TNR: variants seen among roughly 807,000 people sequenced by gnomAD.
TNR encodes tenascin R.
In TNR, 45 loss-of-function variants were observed where a neutral mutation model predicts 150.4. The observed-to-expected ratio is 0.30, with a 90% CI of 0.24 to 0.38. TNR has a LOEUF of 0.38. Among genes scored for constraint, TNR ranks in the 10% least tolerant of loss-of-function variants. The pLI, the probability that TNR is intolerant of heterozygous loss-of-function variation, is 1.00. For synonymous variants in TNR, 687 were observed against 678.4 expected, an observed-to-expected ratio of 1.01 and a Z score of -0.20; for missense variants, 1,544 against 1,759.1, an observed-to-expected ratio of 0.88 and a Z score of 2.19.
chr1:175,389,951 T>C (rs1365763384), intron 7 of TNR, among the ~76,000 whole-genome samples: 1 of 152,216 alleles, frequency 6.6e-6, no homozygotes, highest in African/African-American at 2.4e-5. Context: ...TAAACTTATT[T>C]TTTAAAGGAC....
chr1:175,486,453 A>C (rs1658020663), intron 2 of TNR, among the ~76,000 whole-genome samples: 1 of 152,030 alleles, frequency 6.6e-6, no homozygotes, highest in Admixed American at 6.5e-5. Flanking sequence ...AAGGACATGA[A>C]CTCATCCTTT....
chr1:175,390,337 C>T (rs1357376941), intron 7 of TNR, among the ~76,000 whole-genome samples: 1 of 152,222 alleles, frequency 6.6e-6, no homozygotes, highest in Non-Finnish European at 1.5e-5. Context: ...ATGAAAAACA[C>T]ATAAAGCTGT....
intron 1 of TNR, among the ~76,000 whole-genome samples, chr1:175,674,361 C>T (rs965705561): frequency 6.6e-5 from 10 of 152,172 alleles, no homozygotes; most frequent in African/African-American, 2.4e-4. Flanking sequence ...GCAGCTCTGG[C>T]GTGGAGCTGG....
intron 1 of TNR, among the ~76,000 whole-genome samples, chr1:175,675,238 G>A (rs368650650): frequency 2.6e-5 from 4 of 152,110 alleles, no homozygotes; most frequent in Non-Finnish European, 5.9e-5. Flanking sequence ...CTGAATGAAC[G>A]GGCTTTGTGG....
At chr1:175,706,486 C>T (rs1666845015) in intron 1 of TNR, among the ~76,000 whole-genome samples, 1 of 152,128 alleles carries the variant, frequency 6.6e-6, no homozygotes, top group Non-Finnish European at 1.5e-5. Context: ...TGGTAAGGAC[C>T]AAGGTCTCAT....
chr1:175,353,708 G>A (rs980550158), intron 18 of TNR, among the ~76,000 whole-genome samples: 1 of 152,192 alleles, frequency 6.6e-6, no homozygotes, highest in Non-Finnish European at 1.5e-5. Context: ...GTTTAATGTT[G>A]AGGGTTTACT....
chr1:175,363,205 C>T (rs551984437), intron 13 of TNR, among the ~76,000 whole-genome samples: 2 of 152,192 alleles, frequency 1.3e-5, no homozygotes, highest in Admixed American at 1.3e-4. Flanking sequence ...CTTAAAAATG[C>T]CACATGTACC....
chr1:175,691,224 C>G (rs1048593654), intron 1 of TNR, among the ~76,000 whole-genome samples: 1 of 151,998 alleles, frequency 6.6e-6, no homozygotes, highest in Non-Finnish European at 1.5e-5. Context: ...GAAACGCAGG[C>G]CACAGGTAGG....
chr1:175,381,430 G>T (rs1038729149), intron 8 of TNR, among the ~76,000 whole-genome samples: 6 of 152,152 alleles, frequency 3.9e-5, no homozygotes, highest in Admixed American at 2.6e-4. Context: ...TAGGGGTTGT[G>T]GTCTGTAGAT....
chr1:175,508,608 T>C (rs1268014184), intron 2 of TNR, among the ~76,000 whole-genome samples: 1 of 152,220 alleles, frequency 6.6e-6, no homozygotes, highest in Admixed American at 6.5e-5. Context: ...AAAGTAGCCC[T>C]GTGGAGAGGC....
intron 1 of TNR, among the ~76,000 whole-genome samples, chr1:175,680,555 G>A (rs1666003212): frequency 6.6e-6 from 1 of 152,126 alleles, no homozygotes; most frequent in Non-Finnish European, 1.5e-5. Flanking sequence ...AGAGATGAGA[G>A]AAATCAGAAG....
chr1:175,460,507 T>G (rs1009991306), intron 2 of TNR, among the ~76,000 whole-genome samples: 2 of 152,156 alleles, frequency 1.3e-5, no homozygotes, highest in African/African-American at 4.8e-5. Flanking sequence ...GCTGAAATAT[T>G]AGTAATTGGA....
At chr1:175,558,213 G>A (rs1661263022) in intron 1 of TNR, among the ~76,000 whole-genome samples, 1 of 145,812 alleles carries the variant, frequency 6.9e-6, no homozygotes, top group South Asian at 2.2e-4. Context: ...CATGGCACAT[G>A]TATACATATG....
chr1:175,430,208 C>A (rs1023487881), intron 2 of TNR, among the ~76,000 whole-genome samples: 1 of 152,046 alleles, frequency 6.6e-6, no homozygotes, highest in African/African-American at 2.4e-5. Context: ...CCAACAAATT[C>A]TCAGCCAGCT....
intron 1 of TNR, among the ~76,000 whole-genome samples, chr1:175,721,503 T>C (rs1667298326): frequency 6.6e-6 from 1 of 152,106 alleles, no homozygotes; most frequent in African/African-American, 2.4e-5. Flanking sequence ...CTGTCGCCAT[T>C]CCACCCAGCT....
At chr1:175,691,453 C>G (rs1666366974) in intron 1 of TNR, among the ~76,000 whole-genome samples, 1 of 152,150 alleles carries the variant, frequency 6.6e-6, no homozygotes, top group African/African-American at 2.4e-5. Flanking sequence ...TACTGTTATT[C>G]TCTCCAAATT....
chr1:175,340,673 A>C (rs1411964048), intron 18 of TNR, among the ~76,000 whole-genome samples: 3 of 152,226 alleles, frequency 2.0e-5, no homozygotes, highest in African/African-American at 7.2e-5. Flanking sequence ...GAAGCTTCTC[A>C]GACAAGTCTG....
chr1:175,403,414 C>T lies in TNR; in HGVS notation c.702G>A (p.Arg234=). 6.2e-7 allele frequency: 1 copy of T among 1,614,210 alleles called. No homozygotes were observed. The highest frequency in any genetic ancestry group is 8.5e-7 in the Non-Finnish European group (1 of 1,180,046). The part of the protein sequence containing the change: ...EYSGDDCSEL[R]CPTDCSSRGL... ...CCCGGGAGCTGCAGTCTGTTGGGCA[C>T]CGGAGTTCGGAACAGTCATCCCCGC... is the stretch of plus-strand genomic sequence containing the variant. The change falls in exon 4 of 23, where the codon CGG becomes CGA. Residue 234 remains arginine, a synonymous_variant. Coordinates refer to ENST00000367674, the MANE Select transcript of TNR (RefSeq NM_003285.3).
chr1:175,442,582 G>A (rs765010826), intron 2 of TNR, among the ~76,000 whole-genome samples: 1 of 151,754 alleles, frequency 6.6e-6, no homozygotes, highest in Non-Finnish European at 1.5e-5. Context: ...GACTAGAGGT[G>A]TTGTCTGTTG....
Sources: gnomAD v4.1 joint callset for allele counts (sites outside exome capture counted in the v4.1 genomes callset) on GRCh38, gnomAD v4.1.1 for gene constraint, MANE v1.5 for transcripts, NCBI Gene and HGNC (gene_info 2026-07-23, HGNC 2026-07-21) for gene names.